ZNF407: variants seen among roughly 807,000 people sequenced by gnomAD.
The protein encoded by ZNF407 is zinc finger protein 407.
ZNF407 carries 17 observed loss-of-function variants against 131.2 expected under a neutral mutation model. The ratio of observed to expected loss-of-function variants is 0.13; its 90% confidence interval spans 0.09 to 0.19. The LOEUF (loss-of-function observed/expected upper bound fraction) is 0.19. Ranked by LOEUF, ZNF407 falls within the 10% of genes least tolerant of loss-of-function variation. The pLI, the probability that ZNF407 is intolerant of heterozygous loss-of-function variation, is 1.00. For missense variants in ZNF407, 2,681 were observed against 2,830.6 expected (o/e 0.95, Z 1.20); for synonymous variants, 1,156 against 1,062.0 (o/e 1.09, Z -1.72).
intron 8 of ZNF407, among the ~76,000 whole-genome samples, chr18:74,927,355 C>A (rs886763743): frequency 5.9e-5 from 9 of 152,126 alleles, no homozygotes; most frequent in Non-Finnish European, 1.2e-4. Context: ...TCAGTGGAAG[C>A]CTTAAAAATT....
chr18:74,682,755 A>G (rs1967013581), intron 3 of ZNF407, among the ~76,000 whole-genome samples: 1 of 152,204 alleles, frequency 6.6e-6, no homozygotes, highest in South Asian at 2.1e-4. Flanking sequence ...TTTACAGTTT[A>G]AAAAAGACAA....
intron 1 of ZNF407, among the ~76,000 whole-genome samples, chr18:74,611,584 A>T (rs1372323046): frequency 6.6e-6 from 1 of 152,214 alleles, no homozygotes; most frequent in Non-Finnish European, 1.5e-5. Flanking sequence ...AACAATGTAA[A>T]AAGTCTGACA....
At chr18:74,745,152 A>T (rs1968639001) in intron 3 of ZNF407, among the ~76,000 whole-genome samples, 1 of 152,186 alleles carries the variant, frequency 6.6e-6, no homozygotes, top group African/African-American at 2.4e-5. Context: ...GATCAGTTTT[A>T]AAAAGGCAAC....
intron 3 of ZNF407, among the ~76,000 whole-genome samples, chr18:74,735,540 G>T (rs1234025090): frequency 6.6e-6 from 1 of 152,194 alleles, no homozygotes; most frequent in Admixed American, 6.5e-5. Flanking sequence ...CTGTTTCTGA[G>T]CAGAGGGTAT....
chr18:74,622,939 T>C (rs985409210), intron 1 of ZNF407, among the ~76,000 whole-genome samples: 7 of 152,120 alleles, frequency 4.6e-5, no homozygotes, highest in Non-Finnish European at 1.0e-4. Flanking sequence ...AATGTGTGTG[T>C]ATATATCTGT....
chr18:74,714,625 T>C (rs1967847688), intron 3 of ZNF407, among the ~76,000 whole-genome samples: 1 of 152,262 alleles, frequency 6.6e-6, no homozygotes, highest in Non-Finnish European at 1.5e-5. Flanking sequence ...CTTTCAACTT[T>C]ATTTTTAAAT....
intron 8 of ZNF407, among the ~76,000 whole-genome samples, chr18:74,937,631 T>TA (rs1324576337): frequency 6.6e-6 from 1 of 152,186 alleles, no homozygotes; most frequent in Non-Finnish European, 1.5e-5. Context: ...TTGTGAGAGT[T>TA]AAAACCTTAA....
At chr18:74,679,365 C>T (rs1320468799) in intron 3 of ZNF407, among the ~76,000 whole-genome samples, 1 of 152,178 alleles carries the variant, frequency 6.6e-6, no homozygotes, top group African/African-American at 2.4e-5. Context: ...AACATGATCC[C>T]GTTCTCTTTC....
intron 1 of ZNF407, among the ~76,000 whole-genome samples, chr18:74,602,927 A>G (rs1327662642): frequency 6.6e-6 from 1 of 151,954 alleles, no homozygotes; most frequent in Middle Eastern, 3.4e-3. Context: ...GGCAGGGAAA[A>G]TGCCTCAGGG....
At position 75,048,353 on chromosome 18, in the gene ZNF407, A is replaced by G. The variant is rs914373970; in HGVS notation, c.5429-14797A>G. ...GTCCCTCTCTTCTTTCTTCCCTTCC[A>G]TGACCTCAGGTCTTGACTTTTTGGC... On this transcript the variant is annotated intron_variant, in intron 8 of 8. Coordinates refer to ENST00000299687, the MANE Select transcript of ZNF407 (RefSeq NM_017757.3). The surrounding 1 kb of genome is among the most constrained non-coding windows in gnomAD (Gnocchi z 4.1). 3.4e-4 allele frequency among the ~76,000 whole-genome samples: 51 copies of G among 152,094 alleles called. No individual in the cohort carries two copies. The highest frequency in any genetic ancestry group is 1.2e-3 in the African/African-American group (49 of 41,388).
intron 8 of ZNF407, among the ~76,000 whole-genome samples, chr18:74,942,898 T>G (rs936918210): frequency 2.0e-5 from 3 of 150,978 alleles, no homozygotes; most frequent in Non-Finnish European, 4.4e-5. Flanking sequence ...TTTGTTTTAT[T>G]TATTTATTTT....
chr18:74,877,049 G>C, intron 4 of ZNF407, 148 bp from the exon 5 acceptor site: 1 of 666,408 alleles, frequency 1.5e-6, no homozygotes, highest in Non-Finnish European at 2.6e-6. Flanking sequence ...TCAATGCCTG[G>C]TTATACAGAC....
At chr18:74,729,836 G>GA (rs1034120312) in intron 3 of ZNF407, among the ~76,000 whole-genome samples, 3 of 151,498 alleles carry the variant, frequency 2.0e-5, no homozygotes, top group Non-Finnish European at 4.4e-5. Context: ...AATAAAATTG[G>GA]AAAAAAAAGA....
intron 3 of ZNF407, among the ~76,000 whole-genome samples, chr18:74,751,634 G>T (rs1258183981): frequency 6.6e-6 from 1 of 151,288 alleles, no homozygotes; most frequent in Non-Finnish European, 1.5e-5. Context: ...TTGGTTTTCT[G>T]TCCTTGCAAT....
intron 8 of ZNF407, among the ~76,000 whole-genome samples, chr18:74,979,459 T>A (rs1325336187): frequency 6.6e-6 from 1 of 152,148 alleles, no homozygotes; most frequent in Non-Finnish European, 1.5e-5. Context: ...GCCTGACTAA[T>A]TTTTGTATTT....
chr18:74,995,247 A>G (rs1450712126), intron 8 of ZNF407, among the ~76,000 whole-genome samples: 1 of 152,330 alleles, frequency 6.6e-6, no homozygotes, highest in East Asian at 1.9e-4. Flanking sequence ...TGAGTGTGCC[A>G]GGAGCCGTGG....
rs1388415195 is a variant in ZNF407, at chr18:74,748,369, G to T, written c.4803-33059G>T. On this transcript the variant is annotated intron_variant, in intron 3 of 8. Transcript: ENST00000299687. ...ATCTGGACAACACTGATCAGAAAAA[G>T]CTTGGGTTTTACTATTGAGAACATG... Among the ~76,000 whole-genome samples the T allele has an allele frequency of 2.0e-5, 3 of 150,930 alleles. No homozygotes were observed. The South Asian group carries it at 6.3e-4, about 31-fold the overall frequency.
chr18:74,849,071 T>TA (rs1424126620), intron 4 of ZNF407, among the ~76,000 whole-genome samples: 2 of 149,358 alleles, frequency 1.3e-5, no homozygotes, highest in Non-Finnish European at 3.0e-5. Context: ...TTTTTTATTT[T>TA]TTATTTTTTG....
chr18:74,694,641 G>C (rs1264472590), intron 3 of ZNF407, among the ~76,000 whole-genome samples: 2 of 152,006 alleles, frequency 1.3e-5, no homozygotes, highest in African/African-American at 4.8e-5. Context: ...CTCTGGCATG[G>C]GTCCCTGCAC....
Sources: gnomAD v4.1 joint callset for allele counts (sites outside exome capture counted in the v4.1 genomes callset) on GRCh38, gnomAD v4.1.1 for gene constraint, Gnocchi (gnomAD v3.1) non-coding constraint, MANE v1.5 for transcripts, NCBI Gene and HGNC (gene_info 2026-07-23, HGNC 2026-07-21) for gene names.